The following RSPO2 variants were observed in gnomAD, a reference collection of about 807,000 sequenced individuals.
RSPO2 encodes R-spondin 2, also known as R-spondin-2.
Under a neutral mutation model 30.9 loss-of-function variants are expected in RSPO2, and 14 were observed. That is an observed-to-expected ratio of 0.45 (90% CI 0.30 to 0.71). The LOEUF is 0.71. RSPO2 is among the 30% of genes least tolerant of loss of function. The pLI is 0.08. For missense variants in RSPO2, 264 were observed against 301.9 expected, an observed-to-expected ratio of 0.87 and a Z score of 0.93; for synonymous variants, 107 against 96.4, an observed-to-expected ratio of 1.11 and a Z score of -0.64.
chr8:108,058,352 T>C (rs1017181049), intron 2 of RSPO2, among the ~76,000 whole-genome samples: 4 of 151,982 alleles, frequency 2.6e-5, no homozygotes, highest in African/African-American at 7.3e-5. Flanking sequence ...TAAAAGAGGA[T>C]ACAAACAAAT....
intron 2 of RSPO2, among the ~76,000 whole-genome samples, chr8:108,007,973 C>A (rs1815508791): frequency 6.6e-6 from 1 of 152,060 alleles, no homozygotes; most frequent in Non-Finnish European, 1.5e-5. Context: ...TAAAAATACA[C>A]CTTGCCTGAC....
At chr8:107,931,068 T>G (rs900035827) in intron 5 of RSPO2, among the ~76,000 whole-genome samples, 5 of 152,178 alleles carry the variant, frequency 3.3e-5, no homozygotes, top group Admixed American at 1.3e-4. Flanking sequence ...GAAAGAAGTA[T>G]AGATTACTGC....
chr8:108,040,695 G>T (rs531520706), intron 2 of RSPO2, among the ~76,000 whole-genome samples: 2 of 152,262 alleles, frequency 1.3e-5, no homozygotes, highest in South Asian at 4.1e-4. Flanking sequence ...AATGGAGGAA[G>T]GGGGCTGACA....
chr8:108,003,935 T>C (rs1815367106), intron 2 of RSPO2, among the ~76,000 whole-genome samples: 1 of 152,238 alleles, frequency 6.6e-6, no homozygotes, highest in Non-Finnish European at 1.5e-5. Flanking sequence ...AAATGCATTA[T>C]ACCATAATTT....
chr8:107,962,084 G>A (rs1028286569), intron 3 of RSPO2, among the ~76,000 whole-genome samples: 2 of 152,106 alleles, frequency 1.3e-5, no homozygotes, highest in African/African-American at 4.8e-5. Flanking sequence ...TTGACAGCAC[G>A]TAAAGTGCTA....
chr8:107,930,924 C>G (rs1023245125), intron 5 of RSPO2, among the ~76,000 whole-genome samples: 3 of 152,162 alleles, frequency 2.0e-5, no homozygotes, highest in African/African-American at 7.2e-5. Context: ...AACTATCAAG[C>G]AGGATTTTAT....
At chr8:108,002,381 A>T (rs1420892421) in intron 2 of RSPO2, among the ~76,000 whole-genome samples, 1 of 152,214 alleles carries the variant, frequency 6.6e-6, no homozygotes, top group Non-Finnish European at 1.5e-5. Flanking sequence ...TCTTATACTA[A>T]CACAATTTAA....
rs115468389 is a variant in RSPO2 at position 108,041,001 on chromosome 8, T to C, written c.94+41544A>G. Among the ~76,000 whole-genome samples the C allele has an allele frequency of 3.9e-3, 601 of 152,208 alleles. 2 individuals carry two copies. The highest frequency in any genetic ancestry group is 0.014 in the African/African-American group (569 of 41,540). On this transcript the variant is annotated intron_variant, in intron 2 of 5. Transcript: ENST00000276659. ...GGGTTTTTACATTTGTTTAGTTTTG[T>C]CTGGGGCAGGGTGTACAGAAAAGAA...
chr8:107,936,807 C>A (rs889105139), intron 5 of RSPO2, among the ~76,000 whole-genome samples: 2 of 152,080 alleles, frequency 1.3e-5, no homozygotes, highest in Non-Finnish European at 1.5e-5. Context: ...TCTCTGTCAT[C>A]TTTTGAGAAA....
intron 2 of RSPO2, among the ~76,000 whole-genome samples, chr8:108,071,647 A>G (rs1348563592): frequency 6.6e-6 from 1 of 152,328 alleles, no homozygotes; most frequent in East Asian, 1.9e-4. Context: ...CCAGTTACCC[A>G]ACCTACAGCT....
At chr8:107,981,819 A>G (rs554721897) in intron 3 of RSPO2, among the ~76,000 whole-genome samples, 1 of 152,128 alleles carries the variant, frequency 6.6e-6, no homozygotes, top group South Asian at 2.1e-4. Context: ...GCAAGACTTC[A>G]TCTCTAAAAA....
rs1230852306 is a variant in RSPO2, at chr8:108,006,989, ACT to A, written c.95-17747_95-17746del. On this transcript the variant is annotated intron_variant, in intron 2 of 5. Coordinates refer to ENST00000276659, the MANE Select transcript of RSPO2 (RefSeq NM_178565.5). ...GCATGTACCTTCTAAAAATAAGAACACTGTTTTACATAACCACAATACCATTG... is the reference window on the plus strand; with the variant it reads ...GCATGTACCTTCTAAAAATAAGAACAGTTTTACATAACCACAATACCATTG... Among the ~76,000 whole-genome samples, 6 of 152,272 alleles carry A rather than the reference ACT, an allele frequency of 3.9e-5. No individual in the cohort carries two copies. The South Asian group carries it at 1.2e-3, about 32-fold the overall frequency.
chr8:107,913,781 C>T (rs1048406917), intron 5 of RSPO2, among the ~76,000 whole-genome samples: 1 of 152,072 alleles, frequency 6.6e-6, no homozygotes, highest in Non-Finnish European at 1.5e-5. Context: ...CTGAAAATGG[C>T]ATTCTACTCT....
intron 2 of RSPO2, among the ~76,000 whole-genome samples, chr8:108,027,928 T>C (rs1811276593): frequency 6.6e-6 from 1 of 152,142 alleles, no homozygotes; most frequent in Non-Finnish European, 1.5e-5. Flanking sequence ...TCACCTTTCA[T>C]TCCCAGCCTA....
At chr8:108,063,547 G>A (rs1161627347) in intron 2 of RSPO2, among the ~76,000 whole-genome samples, 2 of 151,786 alleles carry the variant, frequency 1.3e-5, no homozygotes. Context: ...CAAACAAATG[G>A]AAGAATATTC....
At chr8:107,969,752 A>C (rs1355432967) in intron 3 of RSPO2, among the ~76,000 whole-genome samples, 1 of 152,222 alleles carries the variant, frequency 6.6e-6, no homozygotes, top group Non-Finnish European at 1.5e-5. Context: ...ATAGTAATGA[A>C]AAGTTTCAAA....
chr8:108,082,452 G>A, intron 2 of RSPO2, 93 bp downstream of exon 2: 1 of 936,370 alleles, frequency 1.1e-6, no homozygotes, highest in Non-Finnish European at 1.7e-6. Context: ...GCACAGCCCT[G>A]ACCATCTGAG....
In RSPO2 at chr8:107,958,086, G is replaced by A. The variant is rs1034128365; in HGVS notation, c.610C>T (p.Pro204Ser). 1.9e-6 allele frequency: 3 copies of A among 1,612,070 alleles called. No individual in the cohort carries two copies. The highest frequency in any genetic ancestry group is 1.3e-5 in the African/African-American group (1 of 74,958). ...TGATTATATCCACACCTACCTCCTG[G>A]ACAATGCCTCATTGTCATCTTGCAT... ...RRCKMTMRHCPGGKRTPKAKE... is the reference protein window; with the variant it reads ...RRCKMTMRHCSGGKRTPKAKE... Residue 204 changes from proline to serine, a missense_variant, in exon 5 of 6, where the codon CCA becomes TCA. By Grantham distance (74) the Pro-to-Ser change is moderately conservative. Transcript: ENST00000276659.
intron 3 of RSPO2, chr8:107,983,263 T>C: frequency 2.5e-6 from 4 of 1,592,192 alleles, no homozygotes; most frequent in South Asian, 2.3e-5. Context: ...GCTGACACAG[T>C]CTGAGCAGGC....
Sources: allele counts gnomAD v4.1 joint callset (sites outside exome capture counted in the v4.1 genomes callset), GRCh38; gene constraint gnomAD v4.1.1; transcripts MANE v1.5; gene names NCBI Gene and HGNC (gene_info 2026-07-23, HGNC 2026-07-21).